The following PCLO variants were observed in gnomAD, a reference collection of about 807,000 sequenced individuals.
PCLO encodes the protein protein piccolo.
A neutral mutation model predicts 427.5 loss-of-function variants in PCLO; 82 were observed. The ratio of observed to expected loss-of-function variants is 0.19; its 90% CI spans 0.16 to 0.23. The LOEUF (loss-of-function observed/expected upper bound fraction) is 0.23. PCLO is among the 10% of genes least tolerant of loss of function. The pLI, the probability that PCLO is intolerant of heterozygous loss-of-function variation, is 1.00. For synonymous variants in PCLO, 2,357 were observed against 2,155.4 expected (o/e 1.09, Z -2.59); for missense variants, 6,239 against 6,115.9 (o/e 1.02, Z -0.67).
chr7:83,081,497 A>G (rs1790099315), intron 3 of PCLO, among the ~76,000 whole-genome samples: 1 of 151,928 alleles, frequency 6.6e-6, no homozygotes, highest in Non-Finnish European at 1.5e-5. Flanking sequence ...AAATACTTGA[A>G]AATGAGGAAA....
chr7:82,915,088 C>T lies in PCLO; in HGVS notation c.12898G>A (p.Gly4300Arg). ...TCCCTTTTAATTGATAAATCAAGCC[C>T]ATAGACAGAGGAAGGTCTGGAGGAA... ...RPSSRPSSVY[G>R]LDLSIKRDSS... Residue 4300 changes from glycine to arginine, a missense_variant, in exon 7 of 25, where the codon GGG becomes AGG. Coordinates refer to ENST00000333891, the MANE Select transcript of PCLO (RefSeq NM_033026.6). 1.9e-6 allele frequency: 3 copies of T among 1,603,378 alleles called. No individual in the cohort carries two copies. The highest frequency in any genetic ancestry group is 2.6e-6 in the Non-Finnish European group (3 of 1,174,432).
intron 3 of PCLO, among the ~76,000 whole-genome samples, chr7:83,129,404 CA>C (rs1791517040): frequency 6.6e-6 from 1 of 151,856 alleles, no homozygotes; most frequent in Admixed American, 6.6e-5. Context: ...ACATGGTAAT[CA>C]AAAATATAAG....
Position 83,074,367 on chromosome 7 carries a change from T to C in PCLO, c.3300+59883A>G, listed in dbSNP as rs538175539. On this transcript the variant is annotated intron_variant, in intron 3 of 24. Transcript: ENST00000333891. ...AGTTAGTACATCCTAGAATTATTTG[T>C]ACTAAGGAATTTCGTTGACCTGTCT... Among the ~76,000 whole-genome samples the C allele has an allele frequency of 3.0e-3, 458 of 152,164 alleles. 3 individuals are homozygous for C. Among genetic ancestry groups the C allele is most frequent in the South Asian group, 0.019 (94 of 4,826 alleles).
chr7:82,852,014 G>C (rs1792672952), intron 10 of PCLO, among the ~76,000 whole-genome samples: 5 of 151,446 alleles, frequency 3.3e-5, no homozygotes, highest in Admixed American at 3.3e-4. Flanking sequence ...AAGGGGGAAA[G>C]GTAAGAAGGA....
Position 83,135,054 on chromosome 7 carries a change from T to C in PCLO, c.2496A>G (p.Ser832=). The C allele has an allele frequency of 6.2e-7, 1 of 1,613,894 alleles. No individual in the cohort carries two copies. The highest frequency in any genetic ancestry group is 8.5e-7 in the Non-Finnish European group (1 of 1,179,860). Residue 832 remains serine (S), a synonymous_variant, in exon 3 of 25, where the codon TCA becomes TCG. Coordinates refer to ENST00000333891, the MANE Select transcript of PCLO (RefSeq NM_033026.6). The part of the protein sequence containing the change: ...PRPASDSKII[S]HPGPSSESKG... ...TGCTCTCTGAACTGGGACCAGGATG[T>C]GAAATAATTTTTGAATCTGATGCAG... is the stretch of plus-strand genomic sequence containing the variant.
chr7:83,093,474 A>G (rs866536981), intron 3 of PCLO, among the ~76,000 whole-genome samples: 2,597 of 56,616 alleles, frequency 0.046, 169 homozygotes, highest in African/African-American at 0.16. Context: ...GTGTGTGTGT[A>G]TAGATATATA....
intron 3 of PCLO, among the ~76,000 whole-genome samples, chr7:83,037,300 TAAC>T (rs1788818078): frequency 6.6e-6 from 1 of 152,068 alleles, no homozygotes; most frequent in African/African-American, 2.4e-5. Context: ...CAATAAATAA[TAAC>T]AAAACAGCGT....
chr7:82,786,211 C>T (rs1011256804), intron 22 of PCLO, among the ~76,000 whole-genome samples: 11 of 151,972 alleles, frequency 7.2e-5, no homozygotes, highest in East Asian at 1.9e-4. Context: ...ATTGCCTAAC[C>T]GTGGAAATGA....
intron 2 of PCLO, among the ~76,000 whole-genome samples, chr7:83,139,907 G>T (rs1015918265): frequency 1.3e-5 from 2 of 152,074 alleles, no homozygotes; most frequent in Non-Finnish European, 2.9e-5. Context: ...GAAATGATTT[G>T]TATTTCAGCA....
At chr7:83,075,963 C>A (rs1789940214) in intron 3 of PCLO, among the ~76,000 whole-genome samples, 1 of 151,714 alleles carries the variant, frequency 6.6e-6, no homozygotes, top group African/African-American at 2.4e-5. Flanking sequence ...AACTTTTTTT[C>A]ACTTGCAGAC....
At chr7:82,902,780 A>C in intron 8 of PCLO, 39 bp from the exon 9 acceptor site, 1 of 967,218 alleles carries the variant, frequency 1.0e-6, no homozygotes. Context: ...ACCAGCATTA[A>C]AGACACTTAA....
At chr7:82,999,711 AAT>A (rs1303708081) in intron 3 of PCLO, among the ~76,000 whole-genome samples, 1 of 114,534 alleles carries the variant, frequency 8.7e-6, no homozygotes, top group Non-Finnish European at 1.7e-5. Flanking sequence ...TTAAATATAA[AAT>A]ATAATATATA....
chr7:82,823,179 C>A (rs1398196709), intron 19 of PCLO, among the ~76,000 whole-genome samples: 1 of 152,032 alleles, frequency 6.6e-6, no homozygotes, highest in East Asian at 1.9e-4. Context: ...AATGATCATG[C>A]AGTATGTTAA....
In PCLO at chr7:82,954,777, A is replaced by G; in HGVS notation, c.6176T>C (p.Leu2059Pro). Residue 2059 changes from leucine (L) to proline (P), a missense_variant, in exon 5 of 25, where the codon CTA becomes CCA. Around this residue, in one of 5 missense-constraint regions of PCLO, gnomAD observed 4,677 missense variants for 4,468.4 expected, o/e 1.05. Transcript: ENST00000333891. ...TTCTTCATAGGCAGCATCAGCATCT[A>G]GTAGTTTCCTTTCTTCTTCTGTAGA... ...VTSTEEERKL[L>P]DADAAYEELM... 1 of 1,613,788 alleles carries G rather than the reference A, an allele frequency of 6.2e-7. No homozygotes were observed. The highest frequency in any genetic ancestry group is 8.5e-7 in the Non-Finnish European group (1 of 1,179,802).
chr7:83,160,251 T>C (rs894260601), intron 1 of PCLO, among the ~76,000 whole-genome samples: 1 of 152,154 alleles, frequency 6.6e-6, no homozygotes, highest in Non-Finnish European at 1.5e-5. Flanking sequence ...GAGAAGTATT[T>C]GTAATTTGCT....
intron 10 of PCLO, chr7:82,868,127 A>T (rs774423997): frequency 2.2e-6 from 1 of 456,600 alleles, no homozygotes; most frequent in South Asian, 1.5e-5. Flanking sequence ...CCCTGGAACA[A>T]GAACAAGGAA....
chr7:83,025,323 C>A (rs1486476813), intron 3 of PCLO, among the ~76,000 whole-genome samples: 9 of 150,698 alleles, frequency 6.0e-5, no homozygotes, highest in African/African-American at 2.0e-4. Flanking sequence ...GCCTCAGGAG[C>A]CGATGCGATC....
chr7:82,896,896 T>C (rs1356692902), intron 9 of PCLO, among the ~76,000 whole-genome samples: 1 of 151,702 alleles, frequency 6.6e-6, no homozygotes, highest in Non-Finnish European at 1.5e-5. Flanking sequence ...TTTCTAGCCT[T>C]GCAGATGTAG....
At chr7:82,792,446 C>T (rs1791121937) in intron 22 of PCLO, among the ~76,000 whole-genome samples, 2 of 151,894 alleles carry the variant, frequency 1.3e-5, no homozygotes, top group African/African-American at 4.8e-5. Flanking sequence ...CCCTCCTCAG[C>T]ATCCCAAGTA....
Sources: gnomAD v4.1 joint callset for allele counts (sites outside exome capture counted in the v4.1 genomes callset) on GRCh38, gnomAD v4.1.1 for gene constraint, gnomAD v4.1.1 regional missense constraint, MANE v1.5 for transcripts, NCBI Gene and HGNC (gene_info 2026-07-23, HGNC 2026-07-21) for gene names.